The following KCNQ2 variants were observed in gnomAD, a reference collection of about 807,000 sequenced individuals.
The protein encoded by KCNQ2 is potassium voltage-gated channel subfamily Q member 2.
In KCNQ2, 14 loss-of-function variants were observed where a neutral mutation model predicts 84.8. The ratio of observed to expected loss-of-function variants is 0.17; its 90% CI spans 0.11 to 0.26. KCNQ2 has a LOEUF of 0.26. Ranked by LOEUF, KCNQ2 falls within the 10% of genes least tolerant of loss-of-function variation. The probability of loss-of-function intolerance (pLI) is 1.00; values close to 1 mark genes in which losing one functional copy is unlikely to be tolerated. For missense variants in KCNQ2, 788 were observed against 1,254.0 expected (o/e 0.63, Z 5.61); for synonymous variants, 599 against 554.1 (o/e 1.08, Z -1.14).
intron 7 of KCNQ2, among the ~76,000 whole-genome samples, chr20:63,435,985 C>CTT (rs56346120): frequency 0.19 from 26,296 of 139,758 alleles, 3,078 homozygotes; most frequent in Non-Finnish European, 0.28. Context: ...TGTGTGGTTT[C>CTT]TTTTTTTTTT....
rs148736344 is a variant in KCNQ2 at position 63,408,310 on chromosome 20, G to A, written c.1887+103C>T. 11 of 1,435,464 alleles carry A rather than the reference G, an allele frequency of 7.7e-6. No individual in the cohort carries two copies. In the South Asian group the frequency reaches 8.5e-5, roughly 11 times the overall value. 88.9% of individuals were successfully genotyped at this position (1,435,464 alleles called of 1,614,324 possible). A position where few individuals can be genotyped will look rare whatever the true frequency, so the allele number is the denominator to read the frequency against. ...GGGCCATGTAAACCCTAGACTTGAG[G>A]AGCCCTCCGTGGCACCCAGCCCCTG... On this transcript the variant is annotated intron_variant, in intron 16 of 16. Coordinates refer to ENST00000359125, the MANE Select transcript of KCNQ2 (RefSeq NM_172107.4). The surrounding 1 kb of genome is among the most constrained non-coding windows in gnomAD (Gnocchi z 5.0).
intron 1 of KCNQ2, among the ~76,000 whole-genome samples, chr20:63,470,288 G>A (rs2082184288): frequency 6.6e-6 from 1 of 151,140 alleles, no homozygotes; most frequent in Non-Finnish European, 1.5e-5. Context: ...GCTGAGGAGA[G>A]GCCTAGTGCA....
At position 63,472,568 on chromosome 20, in the gene KCNQ2, G is replaced by A; in HGVS notation, c.-105C>T. On this transcript the variant is annotated 5_prime_UTR_variant, in exon 1 of 17. Transcript: ENST00000359125. Reference sequence around the variant, plus strand: ...AGGCCCCCCGGCCGGGAGCCGCATGGCCGAGGCGGCGGTTCCGCACTCCTG... The same window carrying A: ...AGGCCCCCCGGCCGGGAGCCGCATGACCGAGGCGGCGGTTCCGCACTCCTG... The A allele has an allele frequency of 9.7e-7, 1 of 1,026,042 alleles. No homozygotes were observed. Among genetic ancestry groups the A allele is most frequent in the Non-Finnish European group, 1.2e-6 (1 of 815,696 alleles). 63.6% of individuals were successfully genotyped at this position (1,026,042 alleles called of 1,614,324 possible).
rs570940951 is a variant in KCNQ2 at position 63,413,587 on chromosome 20, G to C, written c.1632-6C>G. ...ACACCAGGAACCGCATGACACTGCA[G>C]GGGGGTGGGTGGGGCTGTGAGCCCT... On this transcript the variant is annotated splice_region_variant and splice_polypyrimidine_tract_variant and intron_variant, in intron 14 of 16. Transcript: ENST00000359125. 1.2e-6 allele frequency: 2 copies of C among 1,608,580 alleles called. No homozygotes were observed. The highest frequency in any genetic ancestry group is 1.1e-5 in the South Asian group (1 of 90,990).
At chr20:63,457,846 C>T (rs2081844069) in intron 1 of KCNQ2, among the ~76,000 whole-genome samples, 1 of 152,234 alleles carries the variant, frequency 6.6e-6, no homozygotes, top group Admixed American at 6.5e-5. Flanking sequence ...GGGCAGACTC[C>T]CAGGCCCTGG....
intron 5 of KCNQ2, among the ~76,000 whole-genome samples, chr20:63,441,188 T>A (rs1296231837): frequency 6.7e-6 from 1 of 148,756 alleles, no homozygotes; most frequent in East Asian, 2.1e-4. Context: ...GGGCCTGGCC[T>A]GCGGGGGAGG....
chr20:63,411,585 G>A (rs2080123138), intron 15 of KCNQ2, among the ~76,000 whole-genome samples: 1 of 152,220 alleles, frequency 6.6e-6, no homozygotes, highest in South Asian at 2.1e-4. Context: ...GTCCTGATAG[G>A]GGCACAGCCT....
intron 1 of KCNQ2, among the ~76,000 whole-genome samples, chr20:63,454,043 G>A (rs2081698970): frequency 6.6e-6 from 1 of 152,210 alleles, no homozygotes. Flanking sequence ...CTCCGACCAG[G>A]CATCTCAGAG....
chr20:63,400,311 G>A lies in KCNQ2; in HGVS notation c.*6333C>T. 1 of 276,356 alleles carries A rather than the reference G, an allele frequency of 3.6e-6. No homozygotes were observed. The highest frequency in any genetic ancestry group is 6.7e-6 in the Non-Finnish European group (1 of 149,372). 17.1% of individuals were successfully genotyped at this position (276,356 alleles called of 1,614,324 possible). A position where few individuals can be genotyped will look rare whatever the true frequency, so the allele number is the denominator to read the frequency against. ...CCCAGAACCTTCCACGGCCATCGCG[G>A]CCGCAGGACCCCACACCCGAAGTCC... On this transcript the variant is annotated 3_prime_UTR_variant, in exon 17 of 17. Transcript: ENST00000359125. This position sits in a 1 kb window ranked among gnomAD's most constrained non-coding sequence, Gnocchi z 8.7.
intron 1 of KCNQ2, chr20:63,461,111 T>C (rs1372351736): frequency 6.6e-6 from 1 of 152,208 alleles, no homozygotes; most frequent in Non-Finnish European, 1.5e-5. Context: ...TCTCCTGCGG[T>C]GGATGTGCTT....
At chr20:63,443,382 T>TCAC (rs575444226) in intron 4 of KCNQ2, among the ~76,000 whole-genome samples, 1 of 9,358 alleles carries the variant, frequency 1.1e-4, no homozygotes, top group Non-Finnish European at 2.8e-4. Context: ...ACCACCATCA[T>TCAC]CACCACCACC....
rs182089624 is a variant in KCNQ2 at position 63,472,474 on chromosome 20, G to A, written c.-11C>T. The stretch of plus-strand genomic sequence containing the variant: ...CGACTTCTGCACCATGGTGCCTGGC[G>A]GGAGGCGCCCCGGGTCGGGCTCAGG... On this transcript the variant is annotated 5_prime_UTR_variant, in exon 1 of 17. Transcript: ENST00000359125. 1.3e-3 allele frequency: 1,943 copies of A among 1,493,822 alleles called. 22 individuals carry two copies. The African/African-American group carries it at 0.021, about 16-fold the overall frequency. 92.5% of individuals were successfully genotyped at this position (1,493,822 alleles called of 1,614,324 possible). A position where few individuals can be genotyped will look rare whatever the true frequency, so the allele number is the denominator to read the frequency against.
At position 63,406,269 on chromosome 20, in the gene KCNQ2, C is replaced by A. The variant is rs1279575475; in HGVS notation, c.*375G>T. The A allele has an allele frequency of 1.6e-5, 4 of 250,700 alleles. No individual in the cohort carries two copies. Among genetic ancestry groups the A allele is most frequent in the Non-Finnish European group, 2.3e-5 (3 of 128,636 alleles). 15.5% of individuals were successfully genotyped at this position (250,700 alleles called of 1,614,324 possible). ...GGAACAGGCCTGCCCTTTGTGCCTC[C>A]CCTGGGCTCGGCTGAGACAACCCCC... On this transcript the variant is annotated 3_prime_UTR_variant, in exon 17 of 17. Coordinates refer to ENST00000359125, the MANE Select transcript of KCNQ2 (RefSeq NM_172107.4).
chr20:63,461,129 A>C (rs2081935666), intron 1 of KCNQ2: 1 of 152,250 alleles, frequency 6.6e-6, no homozygotes, highest in Non-Finnish European at 1.5e-5. Flanking sequence ...CTTACTTTGC[A>C]GTCAGAAGAA....
chr20:63,423,899 C>T (rs928993049), intron 11 of KCNQ2: 9 of 518,760 alleles, frequency 1.7e-5, no homozygotes, highest in Middle Eastern at 5.0e-4. Context: ...GACTTGTGGG[C>T]GGGGTGGGGG....
rs2079797141 is a variant in KCNQ2 at position 63,400,938 on chromosome 20, T to C, written c.*5706A>G. 2 of 397,992 alleles carry C rather than the reference T, an allele frequency of 5.0e-6. No homozygotes were observed. Among genetic ancestry groups the C allele is most frequent in the Admixed American group, 8.8e-5 (2 of 22,700 alleles). The allele number at this position is 397,992 out of a possible 1,614,324, so 24.7% of individuals were successfully genotyped here. ...ATGGGGCGACCTCAGGGAGTTCCTG[T>C]CCACATGCATTAAGGCAACGACTTT... is the stretch of plus-strand genomic sequence containing the variant. On this transcript the variant is annotated 3_prime_UTR_variant, in exon 17 of 17. Transcript: ENST00000359125. This position sits in a 1 kb window ranked among gnomAD's most constrained non-coding sequence, Gnocchi z 8.7.
chr20:63,414,276 C>A lies in KCNQ2; in HGVS notation c.1526-83G>T. 3 of 1,028,230 alleles carry A rather than the reference C, an allele frequency of 2.9e-6. No homozygotes were observed. Among genetic ancestry groups the A allele is most frequent in the Non-Finnish European group, 4.5e-6 (3 of 660,588 alleles). 63.7% of individuals were successfully genotyped at this position (1,028,230 alleles called of 1,614,324 possible). ...GGTCCTGCAGGGCACACCGGCTAGA[C>A]AGAGCGCCAGGGAGCCCCTCGAGGC... On this transcript the variant is annotated intron_variant, in intron 13 of 16. Transcript: ENST00000359125. This position sits in a 1 kb window ranked among gnomAD's most constrained non-coding sequence, Gnocchi z 6.6.
At chr20:63,442,891 C>T (rs1474921338) in intron 4 of KCNQ2, among the ~76,000 whole-genome samples, 2 of 67,558 alleles carry the variant, frequency 3.0e-5, no homozygotes, top group Non-Finnish European at 6.1e-5. Flanking sequence ...CCACCACCAT[C>T]ACCACCATCA....
At chr20:63,458,759 C>T (rs916239323) in intron 1 of KCNQ2, among the ~76,000 whole-genome samples, 2 of 152,228 alleles carry the variant, frequency 1.3e-5, no homozygotes, top group African/African-American at 4.8e-5. Context: ...AAGACCCTGC[C>T]CTGGCCAAGT....
Sources: gnomAD v4.1 joint callset for allele counts (sites outside exome capture counted in the v4.1 genomes callset) on GRCh38, gnomAD v4.1.1 for gene constraint, Gnocchi (gnomAD v3.1) non-coding constraint, MANE v1.5 for transcripts, NCBI Gene and HGNC (gene_info 2026-07-23, HGNC 2026-07-21) for gene names.